RALB: variants seen among roughly 807,000 people sequenced by gnomAD.
RALB encodes the protein ras-related protein Ral-B.
Under a neutral mutation model 21.3 loss-of-function variants are expected in RALB, and 16 were observed. The observed-to-expected ratio is 0.75, with a 90% CI of 0.51 to 1.14. The LOEUF (loss-of-function observed/expected upper bound fraction) is 1.14, where lower values mean the gene tolerates loss of function less well. Among genes scored for constraint, RALB ranks in the 50% most tolerant of loss-of-function variants. The probability of loss-of-function intolerance (pLI) is 0.00; values close to 1 mark genes in which losing one functional copy is unlikely to be tolerated. For missense variants in RALB, 161 were observed against 256.2 expected (o/e 0.63, Z 2.54); for synonymous variants, 93 against 96.1 (o/e 0.97, Z 0.19).
intron 4 of RALB, 135 bp from the exon 5 acceptor site, chr2:120,293,006 T>C (rs530913026): frequency 1.1e-6 from 1 of 906,590 alleles, no homozygotes; most frequent in Non-Finnish European, 1.6e-6. Flanking sequence ...AAAATGTAAC[T>C]ACATATCCTG....
intron 4 of RALB, 102 bp downstream of exon 4, chr2:120,289,859 G>A (rs1309836315): frequency 4.5e-6 from 5 of 1,105,564 alleles, no homozygotes; most frequent in Middle Eastern, 3.0e-4. Context: ...TGAAAACTAG[G>A]TGAAGATTCT....
rs533908388 is a variant in RALB, at chr2:120,281,818, G to C, written c.114+3040G>C. On this transcript the variant is annotated intron_variant, in intron 2 of 4. Coordinates refer to ENST00000272519, the MANE Select transcript of RALB (RefSeq NM_002881.3). The stretch of plus-strand genomic sequence containing the variant: ...CCTATAACAGAGGTTGGGGAAGAGA[G>C]GGGGTGGTGAGTAGGGGAATTAGGA... Among the ~76,000 whole-genome samples, 56 of 152,312 alleles carry C rather than the reference G, an allele frequency of 3.7e-4. 1 individual carries two copies. Among genetic ancestry groups the C allele is most frequent in the South Asian group, 2.5e-3 (12 of 4,822 alleles).
At chr2:120,257,445 T>TCCTGAG (rs368871318) in intron 1 of RALB, among the ~76,000 whole-genome samples, 28 of 152,310 alleles carry the variant, frequency 1.8e-4, no homozygotes, top group African/African-American at 4.1e-4. Flanking sequence ...AGTTTCTGGA[T>TCCTGAG]CCTGAGCCTG....
intron 1 of RALB, among the ~76,000 whole-genome samples, chr2:120,274,390 T>TG (rs1253545522): frequency 2.0e-5 from 3 of 151,626 alleles, no homozygotes; most frequent in Non-Finnish European, 4.4e-5. Flanking sequence ...AAAGAACGCC[T>TG]GGTGTAGGCA....
intron 2 of RALB, among the ~76,000 whole-genome samples, chr2:120,283,824 G>A (rs1479819553): frequency 6.6e-6 from 1 of 152,212 alleles, no homozygotes; most frequent in Non-Finnish European, 1.5e-5. Flanking sequence ...TATGGTTCAC[G>A]CTAATGGATA....
intron 2 of RALB, among the ~76,000 whole-genome samples, chr2:120,285,582 CCA>C (rs1690111835): frequency 7.4e-6 from 1 of 134,878 alleles, no homozygotes; most frequent in South Asian, 2.4e-4. Context: ...AAAAAGAATT[CCA>C]GTTTCTCACC....
chr2:120,248,205 T>C (rs1244947093), upstream of RALB, among the ~76,000 whole-genome samples: 1 of 152,300 alleles, frequency 6.6e-6, no homozygotes, highest in Non-Finnish European at 1.5e-5. Context: ...TCTTTTCTAA[T>C]TGATGCGGTT....
intron 1 of RALB, among the ~76,000 whole-genome samples, chr2:120,241,666 C>A (rs1362972149): frequency 6.6e-6 from 1 of 152,108 alleles, no homozygotes; most frequent in Non-Finnish European, 1.5e-5. Context: ...GTGGAGGTTG[C>A]AGTGAGCTGA....
chr2:120,270,764 T>C (rs146918636), intron 1 of RALB, among the ~76,000 whole-genome samples: 27 of 152,326 alleles, frequency 1.8e-4, no homozygotes, highest in African/African-American at 6.3e-4. Context: ...TTCTCCCTTG[T>C]TTATTTAATA....
chr2:120,261,431 G>C (rs1689363273), intron 1 of RALB, among the ~76,000 whole-genome samples: 1 of 152,166 alleles, frequency 6.6e-6, no homozygotes, highest in Non-Finnish European at 1.5e-5. Flanking sequence ...GAGGGAGTTA[G>C]GGTTTGATGG....
intron 1 of RALB, among the ~76,000 whole-genome samples, chr2:120,268,118 GCAAA>G (rs1429757978): frequency 6.6e-6 from 1 of 152,192 alleles, no homozygotes; most frequent in African/African-American, 2.4e-5. Flanking sequence ...CACTATATGA[GCAAA>G]CAAAGCATGT....
At chr2:120,269,007 T>G (rs1392563960) in intron 1 of RALB, among the ~76,000 whole-genome samples, 11 of 152,242 alleles carry the variant, frequency 7.2e-5, no homozygotes, top group African/African-American at 2.4e-5. Context: ...ATCATTGCCA[T>G]TTTGTACCTC....
chr2:120,276,978 C>A (rs2104629536), intron 1 of RALB, among the ~76,000 whole-genome samples: 1 of 152,270 alleles, frequency 6.6e-6, no homozygotes, highest in East Asian at 1.9e-4. Context: ...TTTTTCCATA[C>A]AAATTGGTTA....
Position 120,294,205 on chromosome 2 carries a change from G to T in RALB, c.*945G>T. On this transcript the variant is annotated 3_prime_UTR_variant, in exon 5 of 5. Coordinates refer to ENST00000272519, the MANE Select transcript of RALB (RefSeq NM_002881.3). The stretch of plus-strand genomic sequence containing the variant: ...TGTCACACACACTCTTCCCAAAGAC[G>T]TGATGAGTTAAAGTTGTATTCTGAA... 1 of 398,600 alleles carries T rather than the reference G, an allele frequency of 2.5e-6. No homozygotes were observed. The highest frequency in any genetic ancestry group is 3.6e-5 in the East Asian group (1 of 28,078). 24.7% of individuals were successfully genotyped at this position (398,600 alleles called of 1,614,324 possible). A position where few individuals can be genotyped will look rare whatever the true frequency, so the allele number is the denominator to read the frequency against.
chr2:120,265,224 C>CTAG (rs1689473186), intron 1 of RALB, among the ~76,000 whole-genome samples: 1 of 152,258 alleles, frequency 6.6e-6, no homozygotes, highest in South Asian at 2.1e-4. Context: ...TACTACTCAC[C>CTAG]TAGCCCGTAC....
chr2:120,253,279 T>G, intron 1 of RALB: 1 of 613,214 alleles, frequency 1.6e-6, no homozygotes, highest in Non-Finnish European at 2.0e-6. Context: ...ATGGCTCTGC[T>G]TCCACTTCCT....
chr2:120,255,265 TTTTTCGTTTTG>T (rs1689171185), intron 1 of RALB, among the ~76,000 whole-genome samples: 1 of 152,172 alleles, frequency 6.6e-6, no homozygotes, highest in Non-Finnish European at 1.5e-5. Context: ...GCTTGGTTTT[TTTTTCGTTTTG>T]TTTTTTTAAA....
intron 2 of RALB, 79 bp from the exon 3 acceptor site, chr2:120,285,795 C>T: frequency 8.9e-7 from 1 of 1,126,158 alleles, no homozygotes; most frequent in Non-Finnish European, 1.3e-6. Context: ...GTGAAGTGCC[C>T]ATATGTGGAA....
intron 1 of RALB, among the ~76,000 whole-genome samples, chr2:120,274,022 G>T (rs760590131): frequency 2.9e-4 from 44 of 152,324 alleles, no homozygotes; most frequent in Middle Eastern, 3.4e-3. Context: ...GAAAACAGCA[G>T]TTCAGAATTA....
Sources: gnomAD v4.1 joint callset for allele counts (sites outside exome capture counted in the v4.1 genomes callset) on GRCh38, gnomAD v4.1.1 for gene constraint, MANE v1.5 for transcripts, NCBI Gene and HGNC (gene_info 2026-07-23, HGNC 2026-07-21) for gene names.